Variants in CLDN14 observed in about 807,000 individuals in gnomAD.
CLDN14 encodes the protein claudin-14.
In CLDN14, 2 loss-of-function variants were observed where a neutral mutation model predicts 2.1. The observed-to-expected ratio is 0.96, with a 90% CI of 0.39 to 3.01. The LOEUF (loss-of-function observed/expected upper bound fraction) is 3.01, where lower values mean the gene tolerates loss of function less well. CLDN14 is among the 30% of genes most tolerant of loss of function. CLDN14 has a pLI of 0.09. For missense variants in CLDN14, 298 were observed against 328.0 expected (o/e 0.91, Z 0.71); for synonymous variants, 136 against 154.4 (o/e 0.88, Z 0.88).
chr21:36,521,706 G>A (rs537050647), intron 1 of CLDN14, among the ~76,000 whole-genome samples: 12 of 152,146 alleles, frequency 7.9e-5, no homozygotes, highest in Non-Finnish European at 1.5e-4. Context: ...AGTAGGGGCC[G>A]GGACATAGAC....
chr21:36,488,336 A>G (rs972178873), intron 2 of CLDN14, among the ~76,000 whole-genome samples: 4 of 146,058 alleles, frequency 2.7e-5, no homozygotes, highest in Admixed American at 1.4e-4. Flanking sequence ...CAGTGGCGGG[A>G]TCTCAGTTCA....
At chr21:36,469,078 G>A (rs2086680438) in intron 1 of CLDN14, among the ~76,000 whole-genome samples, 2 of 152,122 alleles carry the variant, frequency 1.3e-5, no homozygotes, top group Non-Finnish European at 2.9e-5. Context: ...TATTTCCTAA[G>A]GGCATCTTGG....
rs997238283 is a variant in CLDN14 at position 36,544,593 on chromosome 21, C to A, written c.-220+31818G>T. ...GGCATCCCCTCCTCCAGAGCACACT[C>A]ACTCTCAGACGCCCAGGGAGCTAAG... On this transcript the variant is annotated intron_variant, in intron 1 of 2. Coordinates refer to the CLDN14 transcript ENST00000342108. This position sits in a 1 kb window ranked among gnomAD's most constrained non-coding sequence, Gnocchi z 4.1. Among the ~76,000 whole-genome samples, 1 of 152,192 alleles carries A rather than the reference C, an allele frequency of 6.6e-6. No individual in the cohort carries two copies. The highest frequency in any genetic ancestry group is 1.5e-5 in the Non-Finnish European group (1 of 68,030).
chr21:36,461,500 TC>T lies in CLDN14; in HGVS notation c.195del (p.Ile66SerfsTer28), dbSNP rs760769965. The T allele has an allele frequency of 6.2e-7, 1 of 1,613,398 alleles. No individual in the cohort carries two copies. The highest frequency in any genetic ancestry group is 2.2e-5 in the East Asian group (1 of 44,872). ...GGCAGCGCCAGCAGGGATCGGTAGA[TC>T]TGGCACTGGTAGATGCCTGTGCTGT... ...VWHSTGIYQC[Q>X]IYRSLLALPQ... is the part of the protein sequence containing the mutation. On this transcript the variant is annotated frameshift_variant, in exon 2 of 2. Transcript: ENST00000399135. LOFTEE classifies it low-confidence loss of function (END_TRUNC).
chr21:36,515,002 T>G lies in CLDN14; in HGVS notation c.-219-4502A>C, dbSNP rs143391981. On this transcript the variant is annotated intron_variant, in intron 1 of 2. Coordinates refer to the CLDN14 transcript ENST00000342108. ...CTCAACTCAAATCTCATTTAAAAAT[T>G]TTCCCACTTTATACCTGTTAGGATA... Among the ~76,000 whole-genome samples, 27 of 152,254 alleles carry G rather than the reference T, an allele frequency of 1.8e-4. No individual in the cohort carries two copies. The East Asian group carries it at 4.4e-3, about 25-fold the overall frequency.
In CLDN14 at chr21:36,462,684, C is replaced by A. The variant is rs1265613585; in HGVS notation, c.-81-908G>T. Among the ~76,000 whole-genome samples, 3 of 152,080 alleles carry A rather than the reference C, an allele frequency of 2.0e-5. No individual in the cohort carries two copies. The South Asian group carries it at 6.2e-4, about 32-fold the overall frequency. On this transcript the variant is annotated intron_variant, in intron 1 of 1. Coordinates refer to ENST00000399135, the MANE Select transcript of CLDN14 (RefSeq NM_001146079.2). ...GTGGTTCACGCCTGTAATCCCAGCA[C>A]TTTGGGAGGCCGAGGCAGGTGGATC... is the stretch of plus-strand genomic sequence containing the variant.
intron 1 of CLDN14, among the ~76,000 whole-genome samples, chr21:36,554,491 G>A (rs907106740): frequency 3.9e-5 from 6 of 152,190 alleles, no homozygotes; most frequent in African/African-American, 9.7e-5. Flanking sequence ...AAGCTTAGTC[G>A]GGTCAGGCCC....
At chr21:36,509,657 G>A (rs564163891) in intron 2 of CLDN14, among the ~76,000 whole-genome samples, 8 of 152,110 alleles carry the variant, frequency 5.3e-5, no homozygotes, top group Admixed American at 2.0e-4. Flanking sequence ...GTGCAGTGGC[G>A]CAATCTCTGC....
chr21:36,559,196 TATTTTA>T (rs2087617801), intron 1 of CLDN14, among the ~76,000 whole-genome samples: 1 of 151,830 alleles, frequency 6.6e-6, no homozygotes, highest in Non-Finnish European at 1.5e-5. Context: ...TATTTTATTT[TATTTTA>T]TTTTATTTTT....
At chr21:36,469,711 A>G (rs568387967) in intron 1 of CLDN14, among the ~76,000 whole-genome samples, 3 of 152,354 alleles carry the variant, frequency 2.0e-5, no homozygotes, top group Admixed American at 6.5e-5. Context: ...TGAATGACCT[A>G]TTGATTTACC....
At chr21:36,483,384 A>C (rs1601603306), upstream of CLDN14, among the ~76,000 whole-genome samples, 1 of 152,230 alleles carries the variant, frequency 6.6e-6, no homozygotes, top group East Asian at 1.9e-4. Context: ...CAAATGCATC[A>C]TGTGGTTTCA....
intron 1 of CLDN14, among the ~76,000 whole-genome samples, chr21:36,556,376 T>C (rs1384003102): frequency 6.6e-6 from 1 of 152,210 alleles, no homozygotes; most frequent in Non-Finnish European, 1.5e-5. Context: ...ATGGTGGCCC[T>C]GGACCTTTTT....
intron 1 of CLDN14, among the ~76,000 whole-genome samples, chr21:36,464,360 C>T (rs141819946): frequency 1.4e-4 from 21 of 152,308 alleles, no homozygotes; most frequent in Admixed American, 6.5e-4. Context: ...ATTGCGAGAA[C>T]GGACTGATAC....
At chr21:36,495,130 C>G (rs1483663691) in intron 2 of CLDN14, among the ~76,000 whole-genome samples, 1 of 152,144 alleles carries the variant, frequency 6.6e-6, no homozygotes, top group East Asian at 1.9e-4. Flanking sequence ...GAGTTCGAGA[C>G]TAGCCTGACC....
chr21:36,484,734 C>G (rs1177287603), upstream of CLDN14, among the ~76,000 whole-genome samples: 1 of 151,742 alleles, frequency 6.6e-6, no homozygotes, highest in African/African-American at 2.4e-5. Flanking sequence ...TTTTTTGAGA[C>G]AGAGTTTCAT....
chr21:36,463,709 C>T (rs2146417142), intron 1 of CLDN14, among the ~76,000 whole-genome samples: 1 of 152,172 alleles, frequency 6.6e-6, no homozygotes, highest in East Asian at 1.9e-4. Context: ...AAGACTCTGT[C>T]TTGAAAAATA....
chr21:36,522,693 C>T (rs998193719), intron 1 of CLDN14, among the ~76,000 whole-genome samples: 70 of 152,352 alleles, frequency 4.6e-4, no homozygotes, highest in African/African-American at 1.4e-3. Flanking sequence ...AAAACAATTT[C>T]GAATTCAAGG....
chr21:36,534,909 C>G (rs939860306), intron 1 of CLDN14, among the ~76,000 whole-genome samples: 1 of 152,046 alleles, frequency 6.6e-6, no homozygotes, highest in Non-Finnish European at 1.5e-5. Flanking sequence ...CTGAGGCCAG[C>G]GTAATCTAAC....
At chr21:36,575,237 C>G (rs2087733937) in intron 1 of CLDN14, among the ~76,000 whole-genome samples, 1 of 152,180 alleles carries the variant, frequency 6.6e-6, no homozygotes, top group Admixed American at 6.5e-5. Context: ...GTTCTATCGG[C>G]TCTAACTTAC....
Sources: allele counts gnomAD v4.1 joint callset (sites outside exome capture counted in the v4.1 genomes callset), GRCh38; gene constraint gnomAD v4.1.1; non-coding constraint Gnocchi (gnomAD v3.1); transcripts MANE v1.5; gene names NCBI Gene and HGNC (gene_info 2026-07-23, HGNC 2026-07-21).